The following EYS variants were observed in gnomAD, a reference collection of about 807,000 sequenced individuals.
EYS encodes the protein EGF-like photoreceptor maintenance factor.
EYS carries 250 observed loss-of-function variants against 282.1 expected under a neutral mutation model. The observed-to-expected ratio is 0.89, with a 90% CI of 0.80 to 0.98. The LOEUF (loss-of-function observed/expected upper bound fraction) is 0.98. Ranked by LOEUF, EYS falls within the 50% of genes least tolerant of loss-of-function variation. EYS has a pLI of 0.00. For missense variants in EYS, 4,016 were observed against 3,709.0 expected (o/e 1.08, Z -2.15); for synonymous variants, 1,355 against 1,282.9 (o/e 1.06, Z -1.20).
At chr6:64,232,626 G>A (rs762258378) in intron 30 of EYS, among the ~76,000 whole-genome samples, 3 of 151,926 alleles carry the variant, frequency 2.0e-5, no homozygotes, top group Non-Finnish European at 4.4e-5. Flanking sequence ...CCTGGCCTCA[G>A]GTGATCCACC....
intron 2 of EYS, among the ~76,000 whole-genome samples, chr6:65,536,623 G>A (rs1042189500): frequency 6.6e-6 from 1 of 152,078 alleles, no homozygotes; most frequent in African/African-American, 2.4e-5. Flanking sequence ...CTAGAAAAAT[G>A]TGATAGTAAT....
intron 14 of EYS, among the ~76,000 whole-genome samples, chr6:64,954,114 A>G (rs1769607956): frequency 1.3e-5 from 2 of 152,108 alleles, no homozygotes; most frequent in South Asian, 4.2e-4. Flanking sequence ...TAGTAAATCT[A>G]CTATCAAAAT....
At chr6:64,463,100 C>A (rs977191255) in intron 26 of EYS, among the ~76,000 whole-genome samples, 1 of 151,914 alleles carries the variant, frequency 6.6e-6, no homozygotes, top group African/African-American at 2.4e-5. Context: ...GTGCCCGCCA[C>A]CACGCCCGGC....
At chr6:65,260,421 T>C (rs1422277183) in intron 12 of EYS, among the ~76,000 whole-genome samples, 1 of 152,158 alleles carries the variant, frequency 6.6e-6, no homozygotes, top group African/African-American at 2.4e-5. Flanking sequence ...TTCATTTCTC[T>C]GACCTATCTT....
At chr6:65,275,187 A>G (rs968544773) in intron 12 of EYS, among the ~76,000 whole-genome samples, 7 of 152,172 alleles carry the variant, frequency 4.6e-5, no homozygotes, top group Admixed American at 4.6e-4. Flanking sequence ...TAGGTAAATC[A>G]TAGTACAGGC....
intron 13 of EYS, among the ~76,000 whole-genome samples, chr6:65,046,809 T>C (rs1773116442): frequency 6.6e-6 from 1 of 151,918 alleles, no homozygotes; most frequent in Admixed American, 6.6e-5. Flanking sequence ...ATTCTCAAAG[T>C]TGGGGAGGAA....
At chr6:65,267,083 T>C (rs1301393164) in intron 12 of EYS, among the ~76,000 whole-genome samples, 3 of 151,484 alleles carry the variant, frequency 2.0e-5, no homozygotes, top group Non-Finnish European at 2.9e-5. Context: ...AATTTTTCTG[T>C]ACATGTCTCT....
chr6:65,100,304 G>T (rs1774858320), intron 12 of EYS, among the ~76,000 whole-genome samples: 2 of 150,468 alleles, frequency 1.3e-5, no homozygotes, highest in South Asian at 4.2e-4. Flanking sequence ...AAGAATAAAG[G>T]TACAAGCTTT....
intron 22 of EYS, among the ~76,000 whole-genome samples, chr6:64,703,249 C>G (rs1370477552): frequency 6.6e-6 from 1 of 151,050 alleles, no homozygotes; most frequent in African/African-American, 2.4e-5. Context: ...ATAAACATAG[C>G]TAAATGTTAT....
At position 64,481,455 on chromosome 6, in the gene EYS, GAAGA is replaced by G. The variant is rs576013073; in HGVS notation, c.5645-42107_5645-42104del. ...CTTTTTCAAAAAGCCTCTATTAATT[GAAGA>G]AAGGTGATCATTTTGAATTTCTCTG... On this transcript the variant is annotated intron_variant, in intron 26 of 42. Transcript: ENST00000503581. 2.1e-3 allele frequency among the ~76,000 whole-genome samples: 313 copies of G among 150,276 alleles called. 1 individual carries two copies. The highest frequency in any genetic ancestry group is 3.3e-3 in the Non-Finnish European group (223 of 67,348).
chr6:65,200,926 A>G (rs1274730152), intron 12 of EYS, among the ~76,000 whole-genome samples: 1 of 152,148 alleles, frequency 6.6e-6, no homozygotes, highest in Non-Finnish European at 1.5e-5. Context: ...GAGAATAAAA[A>G]TGTATTCTAA....
chr6:64,550,107 GT>G (rs1765023143), intron 26 of EYS, among the ~76,000 whole-genome samples: 1 of 152,148 alleles, frequency 6.6e-6, no homozygotes, highest in African/African-American at 2.4e-5. Context: ...TGGTGTATAT[GT>G]GCCACATTTT....
At chr6:64,778,261 A>G (rs1036869844) in intron 22 of EYS, among the ~76,000 whole-genome samples, 40 of 152,166 alleles carry the variant, frequency 2.6e-4, no homozygotes, top group Admixed American at 2.4e-3. Flanking sequence ...ATGAATACTC[A>G]TGAAGAGAAA....
intron 31 of EYS, among the ~76,000 whole-genome samples, chr6:64,167,448 C>CT (rs941001270): frequency 5.3e-5 from 8 of 151,948 alleles, no homozygotes; most frequent in African/African-American, 1.5e-4. Flanking sequence ...CATCACTTGG[C>CT]TTTTTTTCTT....
At position 64,055,918 on chromosome 6, in the gene EYS, C is replaced by CA. The variant is rs141959942; in HGVS notation, c.6725+10419dup. Among the ~76,000 whole-genome samples the CA allele has an allele frequency of 5.2e-3, 795 of 152,216 alleles. 9 individuals carry two copies. The highest frequency in any genetic ancestry group is 0.018 in the African/African-American group (764 of 41,516). On this transcript the variant is annotated intron_variant, in intron 33 of 42. Transcript: ENST00000503581. The stretch of plus-strand genomic sequence containing the variant: ...CAAACCCAAATGTCTCAGGCTTCTT[C>CA]AGCCAGTAAGTGCGGATTGTAGCCA...
At chr6:65,688,981 C>T (rs1039478036) in intron 1 of EYS, among the ~76,000 whole-genome samples, 6 of 151,112 alleles carry the variant, frequency 4.0e-5, no homozygotes, top group Non-Finnish European at 8.8e-5. Context: ...CCTCAGGGAT[C>T]TAGAACTAGA....
chr6:65,507,059 TTC>T (rs1766687178), intron 2 of EYS, among the ~76,000 whole-genome samples: 1 of 151,960 alleles, frequency 6.6e-6, no homozygotes, highest in Non-Finnish European at 1.5e-5. Flanking sequence ...AGATCTGAGT[TTC>T]TGACCTATAT....
chr6:64,792,046 G>T (rs1223050597), intron 22 of EYS, among the ~76,000 whole-genome samples: 1 of 151,748 alleles, frequency 6.6e-6, no homozygotes, highest in Non-Finnish European at 1.5e-5. Flanking sequence ...AGGTTCTGTT[G>T]AGCTCATCTT....
intron 35 of EYS, among the ~76,000 whole-genome samples, chr6:63,877,519 C>T (rs1773008692): frequency 6.6e-6 from 1 of 152,136 alleles, no homozygotes; most frequent in Non-Finnish European, 1.5e-5. Context: ...TGTTGGGCTG[C>T]CTTGCTAGGT....
Sources: allele counts gnomAD v4.1 joint callset (sites outside exome capture counted in the v4.1 genomes callset), GRCh38; gene constraint gnomAD v4.1.1; transcripts MANE v1.5; gene names NCBI Gene and HGNC (gene_info 2026-07-23, HGNC 2026-07-21).